Variants in AGPAT3 observed in about 807,000 individuals in gnomAD.
The protein encoded by AGPAT3 is 1-acyl-sn-glycerol-3-phosphate acyltransferase gamma.
A neutral mutation model predicts 47.3 loss-of-function variants in AGPAT3; 5 were observed. The ratio of observed to expected loss-of-function variants is 0.11; its 90% CI spans 0.06 to 0.22. The LOEUF is 0.22. Ranked by LOEUF, AGPAT3 falls within the 10% of genes least tolerant of loss-of-function variation. The pLI is 1.00. For synonymous variants in AGPAT3, 212 were observed against 208.3 expected, an observed-to-expected ratio of 1.02 and a Z score of -0.15; for missense variants, 315 against 493.0, an observed-to-expected ratio of 0.64 and a Z score of 3.42.
intron 2 of AGPAT3, among the ~76,000 whole-genome samples, chr21:43,935,008 C>T (rs1023706452): frequency 3.3e-5 from 5 of 150,546 alleles, no homozygotes; most frequent in African/African-American, 1.2e-4. Flanking sequence ...ACGCTACTAC[C>T]CATGCCACCC....
At chr21:43,924,076 G>T (rs2086977577) in intron 2 of AGPAT3, among the ~76,000 whole-genome samples, 1 of 152,148 alleles carries the variant, frequency 6.6e-6, no homozygotes, top group East Asian at 1.9e-4. Context: ...GAGTGCAGTG[G>T]CGTGATCTCA....
intron 2 of AGPAT3, among the ~76,000 whole-genome samples, chr21:43,937,552 G>T (rs1329084190): frequency 6.6e-6 from 1 of 152,170 alleles, no homozygotes; most frequent in Non-Finnish European, 1.5e-5. Flanking sequence ...CAGGAAAAGG[G>T]AGTTTTTTTT....
At position 43,955,180 on chromosome 21, in the gene AGPAT3, C is replaced by T. The variant is rs2146545337; in HGVS notation, c.-48-4454C>T. ...TGCTGTCCCGGGGCCGTCTCAGAAG[C>T]ACCGCGCTGGACCGGCTGGGCCAGA... On this transcript the variant is annotated intron_variant, in intron 2 of 9. Coordinates refer to ENST00000291572, the MANE Select transcript of AGPAT3 (RefSeq NM_020132.5). This position sits in a 1 kb window ranked among gnomAD's most constrained non-coding sequence, Gnocchi z 4.1. 1.6e-6 allele frequency: 2 copies of T among 1,273,304 alleles called. No individual in the cohort carries two copies. The highest frequency in any genetic ancestry group is 1.0e-6 in the Non-Finnish European group (1 of 978,950). 78.9% of individuals were successfully genotyped at this position (1,273,304 alleles called of 1,614,324 possible).
chr21:43,929,906 G>A (rs977123159), intron 2 of AGPAT3, among the ~76,000 whole-genome samples: 3 of 152,228 alleles, frequency 2.0e-5, no homozygotes, highest in South Asian at 2.1e-4. Flanking sequence ...CGCTCCCAGC[G>A]AGCTCACAGT....
intron 8 of AGPAT3, among the ~76,000 whole-genome samples, chr21:43,980,081 G>A (rs907421723): frequency 6.6e-6 from 1 of 152,038 alleles, no homozygotes; most frequent in African/African-American, 2.4e-5. Flanking sequence ...AGGAGTTCGA[G>A]ACAAGCCTGG....
chr21:43,943,225 C>T (rs2146389102), intron 2 of AGPAT3, among the ~76,000 whole-genome samples: 1 of 152,260 alleles, frequency 6.6e-6, no homozygotes, highest in South Asian at 2.1e-4. Context: ...CAGGTGCCGG[C>T]CACCACGCCC....
chr21:43,887,854 A>C (rs1185203968), intron 1 of AGPAT3, among the ~76,000 whole-genome samples: 1 of 152,000 alleles, frequency 6.6e-6, no homozygotes, highest in Non-Finnish European at 1.5e-5. Context: ...GGGTTTCGCC[A>C]TGTTGGCCAG....
At chr21:43,906,563 T>G (rs1052129597) in intron 2 of AGPAT3, among the ~76,000 whole-genome samples, 4 of 150,512 alleles carry the variant, frequency 2.7e-5, no homozygotes, top group African/African-American at 9.8e-5. Flanking sequence ...GATGAGGAGG[T>G]GGGATGGGGC....
At position 43,873,132 on chromosome 21, in the gene AGPAT3, C is replaced by A. The variant is rs377246005; in HGVS notation, c.-112+7787C>A. On this transcript the variant is annotated intron_variant, in intron 1 of 9. Transcript: ENST00000291572. ...AGATGGCATCGAGTGGCGGGTGCACCTGCCGTGTGCTTCCCGGGGGACATG... is the reference window on the plus strand; with the variant it reads ...AGATGGCATCGAGTGGCGGGTGCACATGCCGTGTGCTTCCCGGGGGACATG... Among the ~76,000 whole-genome samples, 119 of 152,306 alleles carry A rather than the reference C, an allele frequency of 7.8e-4. No individual in the cohort carries two copies. The East Asian group carries it at 0.017, about 22-fold the overall frequency.
At chr21:43,950,248 A>T (rs1463329480) in intron 2 of AGPAT3, among the ~76,000 whole-genome samples, 2 of 152,252 alleles carry the variant, frequency 1.3e-5, no homozygotes, top group African/African-American at 4.8e-5. Flanking sequence ...TTCCTGTTGT[A>T]GTAGATTTGG....
At chr21:43,972,498 G>A (rs1365843679) in intron 7 of AGPAT3, among the ~76,000 whole-genome samples, 1 of 152,094 alleles carries the variant, frequency 6.6e-6, no homozygotes, top group Non-Finnish European at 1.5e-5. Context: ...GTGCTATGGG[G>A]CCCCAGTCCT....
chr21:43,937,090 C>A (rs1284874041), intron 2 of AGPAT3, among the ~76,000 whole-genome samples: 1 of 152,206 alleles, frequency 6.6e-6, no homozygotes, highest in Non-Finnish European at 1.5e-5. Flanking sequence ...TAAAAGAACA[C>A]CCCGCCTGCA....
chr21:43,879,916 G>A (rs1480083553), intron 1 of AGPAT3, among the ~76,000 whole-genome samples: 1 of 152,282 alleles, frequency 6.6e-6, no homozygotes, highest in East Asian at 1.9e-4. Context: ...CTTCCCGTGA[G>A]CTCCCGTGTC....
intron 3 of AGPAT3, among the ~76,000 whole-genome samples, chr21:43,962,975 C>T (rs1436025293): frequency 6.6e-6 from 1 of 152,084 alleles, no homozygotes; most frequent in Non-Finnish European, 1.5e-5. Context: ...CAAAAACTTA[C>T]AGACAGGTTT....
chr21:43,927,315 A>G (rs1309433533), intron 2 of AGPAT3, among the ~76,000 whole-genome samples: 2 of 152,212 alleles, frequency 1.3e-5, no homozygotes, highest in African/African-American at 4.8e-5. Context: ...CAAAATCTTT[A>G]AAAAAGAACC....
chr21:43,956,038 T>C (rs760461298), intron 2 of AGPAT3, among the ~76,000 whole-genome samples: 23 of 152,172 alleles, frequency 1.5e-4, no homozygotes, highest in Non-Finnish European at 2.8e-4. Context: ...CTTGGGACCC[T>C]GGTTCTTCTG....
At chr21:43,869,293 T>C (rs1245175885) in intron 1 of AGPAT3, among the ~76,000 whole-genome samples, 2 of 152,372 alleles carry the variant, frequency 1.3e-5, no homozygotes, top group Non-Finnish European at 2.9e-5. Context: ...TTTTCATAGA[T>C]TGATTTCTGA....
chr21:43,931,908 C>T (rs984344120), intron 2 of AGPAT3, among the ~76,000 whole-genome samples: 1 of 148,030 alleles, frequency 6.8e-6, no homozygotes, highest in Non-Finnish European at 1.5e-5. Flanking sequence ...CTGCTTTTTA[C>T]CTGAAGAGGA....
intron 7 of AGPAT3, among the ~76,000 whole-genome samples, chr21:43,977,090 A>G (rs1399961783): frequency 6.6e-6 from 1 of 152,224 alleles, no homozygotes; most frequent in African/African-American, 2.4e-5. Flanking sequence ...TTGTCCAATT[A>G]GGTAATTTGT....
Sources: gnomAD v4.1 joint callset for allele counts (sites outside exome capture counted in the v4.1 genomes callset) on GRCh38, gnomAD v4.1.1 for gene constraint, Gnocchi (gnomAD v3.1) non-coding constraint, MANE v1.5 for transcripts, NCBI Gene and HGNC (gene_info 2026-07-23, HGNC 2026-07-21) for gene names.